Variants in HM13 observed in about 807,000 individuals in gnomAD.
HM13 encodes the protein histocompatibility minor 13.
A neutral mutation model predicts 50.0 loss-of-function variants in HM13; 18 were observed. That is an observed-to-expected ratio of 0.36 (90% CI 0.25 to 0.53). The LOEUF (loss-of-function observed/expected upper bound fraction) is 0.53, where lower values mean the gene tolerates loss of function less well. Ranked by LOEUF, HM13 falls within the 20% of genes least tolerant of loss-of-function variation. HM13 has a pLI of 0.90. For missense variants in HM13, 393 were observed against 552.4 expected, an observed-to-expected ratio of 0.71 and a Z score of 2.89; for synonymous variants, 197 against 232.6, an observed-to-expected ratio of 0.85 and a Z score of 1.39.
chr20:31,551,195 A>C (rs1984018947), intron 7 of HM13, among the ~76,000 whole-genome samples: 1 of 152,136 alleles, frequency 6.6e-6, no homozygotes, highest in African/African-American at 2.4e-5. Flanking sequence ...ACTGTCTTTA[A>C]ACAAGGGGGA....
intron 2 of HM13, among the ~76,000 whole-genome samples, chr20:31,534,041 G>A (rs370008517): frequency 2.6e-4 from 40 of 151,796 alleles, no homozygotes; most frequent in African/African-American, 9.5e-4. Context: ...CACCACGCCC[G>A]CCTAATTTTT....
intron 2 of HM13, among the ~76,000 whole-genome samples, chr20:31,534,650 G>A (rs955915738): frequency 7.4e-4 from 112 of 152,248 alleles, no homozygotes; most frequent in African/African-American, 2.6e-3. Flanking sequence ...AGGCGTGGTG[G>A]CACACACCTG....
At chr20:31,529,902 G>A in intron 2 of HM13, among the ~76,000 whole-genome samples, 1 of 152,112 alleles carries the variant, frequency 6.6e-6, no homozygotes, top group East Asian at 1.9e-4. Context: ...GGGAGGCAGA[G>A]GTTGCAGTGA....
rs57630444 is a variant in HM13, at chr20:31,522,287, G to A, written c.184-5197G>A. On this transcript the variant is annotated intron_variant, in intron 1 of 12. Transcript: ENST00000398174. ...ACACAAAGCACACTCCTCAAGCCGG[G>A]CATGGTGGCTCACACCTGTAATCCC... Among the ~76,000 whole-genome samples, 785 of 152,262 alleles carry A rather than the reference G, an allele frequency of 5.2e-3. 14 individuals are homozygous for A. Among genetic ancestry groups the A allele is most frequent in the African/African-American group, 0.018 (745 of 41,538 alleles).
chr20:31,559,188 C>A (rs745698917), intron 8 of HM13, among the ~76,000 whole-genome samples: 3 of 152,196 alleles, frequency 2.0e-5, no homozygotes, highest in African/African-American at 7.2e-5. Context: ...AGTGGAAGCA[C>A]TCTTTAACAG....
At chr20:31,525,762 AAAAAAAAG>A (rs202200628) in intron 1 of HM13, among the ~76,000 whole-genome samples, 3,050 of 152,100 alleles carry the variant, frequency 0.02, 51 homozygotes, top group Non-Finnish European at 0.033. Flanking sequence ...TTTATACCAA[AAAAAAAAG>A]AAAAAAAGAA....
intron 10 of HM13, 130 bp downstream of exon 10, chr20:31,561,866 G>A (rs1600668562): frequency 1.4e-6 from 1 of 700,636 alleles, no homozygotes; most frequent in Non-Finnish European, 2.6e-6. Context: ...AGTCATGTCT[G>A]TGATTCTCTT....
In HM13 at chr20:31,531,398, A is replaced by AT. The variant is rs559250021; in HGVS notation, c.282+3831dup. On this transcript the variant is annotated intron_variant, in intron 2 of 12. Transcript: ENST00000398174. The stretch of plus-strand genomic sequence containing the variant: ...CATAGCTCCCTCATTTTGGATCGGA[A>AT]TTTTTTTTTTTTTTTAGAGATGAGG... 2.7e-3 allele frequency among the ~76,000 whole-genome samples: 364 copies of AT among 134,300 alleles called. 2 individuals carry two copies. Among genetic ancestry groups the AT allele is most frequent in the South Asian group, 0.024 (101 of 4,166 alleles). The allele number at this position is 134,300 out of a possible 152,430, so 88.1% of individuals were successfully genotyped here.
At chr20:31,567,353 C>T (rs922471300) in intron 11 of HM13, among the ~76,000 whole-genome samples, 1 of 152,140 alleles carries the variant, frequency 6.6e-6, no homozygotes, top group African/African-American at 2.4e-5. Context: ...GCTATTGTGC[C>T]CTCATCAGGC....
chr20:31,562,201 C>T lies in HM13; in HGVS notation c.948+465C>T, dbSNP rs1984653929. The stretch of plus-strand genomic sequence containing the variant: ...GTAGACCAGGCTCTGCCTCCTTCTC[C>T]CACCAAGATGAGGATGGAGTACTGA... On this transcript the variant is annotated intron_variant, in intron 10 of 12. Transcript: ENST00000398174. 2.0e-5 allele frequency among the ~76,000 whole-genome samples: 3 copies of T among 152,264 alleles called. No homozygotes were observed. In the South Asian group the frequency reaches 6.2e-4, roughly 32 times the overall value.
chr20:31,554,897 C>T, intron 8 of HM13, 68 bp downstream of exon 8: 1 of 1,259,360 alleles, frequency 7.9e-7, no homozygotes, highest in Non-Finnish European at 1.2e-6. Context: ...AAGGGGATTA[C>T]TGCTAAACAG....
intron 4 of HM13, among the ~76,000 whole-genome samples, chr20:31,546,355 G>A (rs1983719098): frequency 6.6e-6 from 1 of 152,036 alleles, no homozygotes; most frequent in African/African-American, 2.4e-5. Flanking sequence ...TCTCTTACTG[G>A]TGCCTAGCAC....
intron 4 of HM13, among the ~76,000 whole-genome samples, chr20:31,546,171 T>G (rs999197566): frequency 2.7e-5 from 4 of 148,224 alleles, no homozygotes; most frequent in African/African-American, 5.0e-5. Flanking sequence ...TGCCTCAGCC[T>G]CCCGAGTAGC....
chr20:31,552,467 G>A (rs939240193), intron 7 of HM13, among the ~76,000 whole-genome samples: 1 of 152,196 alleles, frequency 6.6e-6, no homozygotes, highest in Admixed American at 6.5e-5. Flanking sequence ...GGAAGACTCC[G>A]AGCAGGGAAG....
rs72290697 is a variant in HM13, at chr20:31,569,100, GT to G, written c.1182-7del. ...CTCCTCTAAATGAATTTTTATTGTT[GT>G]TTTTTTTTTTTTGGTCAGTTATGAG... On this transcript the variant is annotated intron_variant, in intron 12 of 12. Coordinates refer to ENST00000398174, the MANE Select transcript of HM13 (RefSeq NM_178581.3). The G allele has an allele frequency of 0.044, 50,035 of 1,133,686 alleles. 179 individuals are homozygous for G. Among genetic ancestry groups the G allele is most frequent in the African/African-American group, 0.096 (5,986 of 62,072 alleles). The allele number at this position is 1,133,686 out of a possible 1,614,324, so 70.2% of individuals were successfully genotyped here. A position where few individuals can be genotyped will look rare whatever the true frequency, so the allele number is the denominator to read the frequency against.
At chr20:31,560,958 G>A (rs894071972) in intron 9 of HM13, among the ~76,000 whole-genome samples, 4 of 152,222 alleles carry the variant, frequency 2.6e-5, no homozygotes, top group African/African-American at 4.8e-5. Flanking sequence ...CAGAGGTTAC[G>A]GAGCTGGCAT....
chr20:31,543,506 C>T (rs1387331517), intron 3 of HM13, among the ~76,000 whole-genome samples: 1 of 151,838 alleles, frequency 6.6e-6, no homozygotes, highest in Non-Finnish European at 1.5e-5. Flanking sequence ...CCAGGCTGGT[C>T]TCGAACTCCT....
chr20:31,523,727 G>A (rs1982319084), intron 1 of HM13, among the ~76,000 whole-genome samples: 1 of 152,214 alleles, frequency 6.6e-6, no homozygotes, highest in Admixed American at 6.5e-5. Flanking sequence ...GATGCTCAGA[G>A]GGGATGAGGA....
chr20:31,536,524 C>A (rs529358619), intron 2 of HM13, among the ~76,000 whole-genome samples: 1 of 152,280 alleles, frequency 6.6e-6, no homozygotes, highest in South Asian at 2.1e-4. Flanking sequence ...GAAGTCCTCT[C>A]ATGCTGTCTG....
Sources: allele counts gnomAD v4.1 joint callset (sites outside exome capture counted in the v4.1 genomes callset), GRCh38; gene constraint gnomAD v4.1.1; transcripts MANE v1.5; gene names NCBI Gene and HGNC (gene_info 2026-07-23, HGNC 2026-07-21).